The following ZNF385D variants were observed in gnomAD, a reference collection of about 807,000 sequenced individuals.
ZNF385D encodes zinc finger protein 659.
Under a neutral mutation model 35.8 loss-of-function variants are expected in ZNF385D, and 15 were observed. The ratio of observed to expected loss-of-function variants is 0.42; its 90% confidence interval spans 0.28 to 0.64. The LOEUF (loss-of-function observed/expected upper bound fraction) is 0.64. Ranked by LOEUF, ZNF385D falls within the 30% of genes least tolerant of loss-of-function variation. The probability of loss-of-function intolerance (pLI) is 0.23; values close to 1 mark genes in which losing one functional copy is unlikely to be tolerated. For missense variants in ZNF385D, 474 were observed against 494.6 expected (o/e 0.96, Z 0.39); for synonymous variants, 212 against 186.8 (o/e 1.13, Z -1.10).
chr3:22,089,199 T>C (rs1399943401), intron 3 of ZNF385D, among the ~76,000 whole-genome samples: 1 of 152,158 alleles, frequency 6.6e-6, no homozygotes, highest in Non-Finnish European at 1.5e-5. Flanking sequence ...TGTAAACTGT[T>C]TACCATTAGC....
chr3:21,751,547 AC>A, upstream of ZNF385D: 1 of 657,672 alleles, frequency 1.5e-6, no homozygotes, highest in Non-Finnish European at 1.9e-6. Flanking sequence ...AACCTCCTCT[AC>A]CAAGTTAAAA....
intron 2 of ZNF385D, among the ~76,000 whole-genome samples, chr3:22,257,715 T>G (rs896389304): frequency 6.6e-6 from 1 of 151,834 alleles, no homozygotes; most frequent in African/African-American, 2.4e-5. Context: ...TATTCATCCT[T>G]TTAACTCATA....
chr3:22,085,890 A>T (rs1241955893), intron 3 of ZNF385D, among the ~76,000 whole-genome samples: 1 of 152,202 alleles, frequency 6.6e-6, no homozygotes, highest in African/African-American at 2.4e-5. Context: ...AGTTGCAAGG[A>T]TGGTTTAACA....
At chr3:22,139,532 T>A (rs149766303) in intron 3 of ZNF385D, among the ~76,000 whole-genome samples, 1 of 149,920 alleles carries the variant, frequency 6.7e-6, no homozygotes, top group Non-Finnish European at 1.5e-5. Context: ...ACCAAACACC[T>A]CATGTTCTCA....
intron 3 of ZNF385D, among the ~76,000 whole-genome samples, chr3:22,146,300 C>T (rs1025354789): frequency 2.6e-5 from 4 of 152,122 alleles, no homozygotes; most frequent in African/African-American, 9.7e-5. Context: ...AATTTTATTT[C>T]CTGTTAATTA....
rs1700877699 is a variant in ZNF385D, at chr3:22,265,992, C to G, written c.107-96957G>C. ...TATGCTGTCTCTTCTATACTGGGACCAGCTAACTCTACAGGCCATCTTGGC... is the reference window on the plus strand; with the variant it reads ...TATGCTGTCTCTTCTATACTGGGACGAGCTAACTCTACAGGCCATCTTGGC... On this transcript the variant is annotated intron_variant, in intron 2 of 5. Transcript: ENST00000494108. 2.0e-5 allele frequency among the ~76,000 whole-genome samples: 3 copies of G among 151,910 alleles called. No homozygotes were observed. The South Asian group carries it at 6.2e-4, about 31-fold the overall frequency.
chr3:22,014,986 C>A (rs1483701720), intron 3 of ZNF385D, among the ~76,000 whole-genome samples: 1 of 152,036 alleles, frequency 6.6e-6, no homozygotes, highest in African/African-American at 2.4e-5. Flanking sequence ...AAATTTCATT[C>A]ATCATACATG....
chr3:22,041,063 G>A (rs765464086), intron 3 of ZNF385D, among the ~76,000 whole-genome samples: 1 of 151,938 alleles, frequency 6.6e-6, no homozygotes, highest in Non-Finnish European at 1.5e-5. Context: ...CACATGAAGG[G>A]GTTTCAAAAG....
chr3:21,802,509 C>G lies in ZNF385D; in HGVS notation c.326-137481G>C, dbSNP rs975981658. Reference sequence around the variant, plus strand: ...TAATACACTTGAACCAGTACCTTATCTTGCAGAAAAGAAATTTCATTTTCA... The same window carrying G: ...TAATACACTTGAACCAGTACCTTATGTTGCAGAAAAGAAATTTCATTTTCA... On this transcript the variant is annotated intron_variant, in intron 3 of 5. Transcript: ENST00000494108. 2.0e-5 allele frequency among the ~76,000 whole-genome samples: 3 copies of G among 151,968 alleles called. No individual in the cohort carries two copies. The South Asian group carries it at 6.2e-4, about 32-fold the overall frequency.
chr3:22,148,696 A>T (rs1288556831), intron 3 of ZNF385D, among the ~76,000 whole-genome samples: 1 of 152,196 alleles, frequency 6.6e-6, no homozygotes, highest in Non-Finnish European at 1.5e-5. Flanking sequence ...CGTAATTAGT[A>T]TGGCTTATCA....
At chr3:21,724,477 C>CCAAAA (rs2068670605) in intron 1 of ZNF385D, among the ~76,000 whole-genome samples, 4 of 52,016 alleles carry the variant, frequency 7.7e-5, no homozygotes, top group African/African-American at 6.3e-4. Flanking sequence ...AATGGAAAGC[C>CCAAAA]AAAAAAAAAA....
chr3:21,661,167 G>A (rs1008471450), intron 2 of ZNF385D, among the ~76,000 whole-genome samples: 1 of 152,118 alleles, frequency 6.6e-6, no homozygotes, highest in East Asian at 1.9e-4. Context: ...ACTCCCAATG[G>A]TTTTGTATGC....
chr3:22,037,137 G>A (rs555869490), intron 3 of ZNF385D, among the ~76,000 whole-genome samples: 4 of 151,962 alleles, frequency 2.6e-5, no homozygotes, highest in Non-Finnish European at 5.9e-5. Flanking sequence ...TTGGTTCCAA[G>A]TCTTTGCTAT....
intron 2 of ZNF385D, among the ~76,000 whole-genome samples, chr3:22,233,508 T>C (rs1244764018): frequency 2.0e-5 from 3 of 152,140 alleles, no homozygotes; most frequent in Non-Finnish European, 4.4e-5. Flanking sequence ...ATGGTGTATA[T>C]AGGAATCAAA....
intron 2 of ZNF385D, 44 bp from the exon 3 acceptor site, chr3:21,564,728 G>T: frequency 1.6e-6 from 2 of 1,275,912 alleles, no homozygotes; most frequent in Non-Finnish European, 2.2e-6. Context: ...AATAAAGCTT[G>T]TCAGTTCCAT....
chr3:21,613,385 CTTAT>C (rs1205783735), intron 2 of ZNF385D, among the ~76,000 whole-genome samples: 5 of 151,124 alleles, frequency 3.3e-5, no homozygotes, highest in African/African-American at 1.2e-4. Context: ...TATAGTCTTA[CTTAT>C]TTTTTTGGCG....
chr3:22,143,854 C>T (rs1198135658), intron 3 of ZNF385D, among the ~76,000 whole-genome samples: 4 of 152,148 alleles, frequency 2.6e-5, no homozygotes, highest in African/African-American at 4.8e-5. Flanking sequence ...TGTAACTACA[C>T]AATGTATTAT....
chr3:21,470,685 T>C (rs968074805), intron 4 of ZNF385D, among the ~76,000 whole-genome samples: 2 of 152,146 alleles, frequency 1.3e-5, no homozygotes, highest in East Asian at 1.9e-4. Flanking sequence ...CAGATCCTAA[T>C]TGAGCCAGAT....
intron 3 of ZNF385D, among the ~76,000 whole-genome samples, chr3:22,043,513 A>G (rs1232463094): frequency 6.6e-6 from 1 of 151,664 alleles, no homozygotes; most frequent in African/African-American, 2.4e-5. Flanking sequence ...TATTGGTCAA[A>G]AACAGCAAGA....
Sources: allele counts gnomAD v4.1 joint callset (sites outside exome capture counted in the v4.1 genomes callset), GRCh38; gene constraint gnomAD v4.1.1; transcripts MANE v1.5; gene names NCBI Gene and HGNC (gene_info 2026-07-23, HGNC 2026-07-21).